The following NRBP2 variants were observed in gnomAD, a reference collection of about 807,000 sequenced individuals.
NRBP2 encodes nuclear receptor-binding protein 2.
In NRBP2, 47 loss-of-function variants were observed where a neutral mutation model predicts 74.4. The observed-to-expected ratio is 0.63, with a 90% CI of 0.50 to 0.81. The LOEUF is 0.81. Among genes scored for constraint, NRBP2 ranks in the 30% least tolerant of loss-of-function variants. NRBP2 has a pLI of 0.00. For missense variants in NRBP2, 613 were observed against 690.1 expected (o/e 0.89, Z 1.25); for synonymous variants, 312 against 273.8 (o/e 1.14, Z -1.38).
intron 10 of NRBP2, 25 bp downstream of exon 10, chr8:143,838,655 G>C: frequency 3.8e-6 from 6 of 1,564,180 alleles, no homozygotes; most frequent in Non-Finnish European, 5.2e-6. Context: ...GAGCCAGCTG[G>C]GGAGGGGCAG....
At position 143,835,607 on chromosome 8, in the gene NRBP2, A is replaced by G. The variant is rs782418608; in HGVS notation, c.*55T>C. The G allele has an allele frequency of 8.2e-6, 12 of 1,455,896 alleles. 1 individual carries two copies. The Admixed American group carries it at 1.3e-4, about 16-fold the overall frequency. 90.2% of individuals were successfully genotyped at this position (1,455,896 alleles called of 1,614,324 possible). A position where few individuals can be genotyped will look rare whatever the true frequency, so the allele number is the denominator to read the frequency against. The stretch of plus-strand genomic sequence containing the variant: ...GCCCCACGGTGCTGGAGTCTCCCCA[A>G]CATGGCCTGCCCAGGCAGCACCCCG... On this transcript the variant is annotated 3_prime_UTR_variant, in exon 18 of 18. Coordinates refer to ENST00000442628, the MANE Select transcript of NRBP2 (RefSeq NM_178564.4). This position sits in a 1 kb window ranked among gnomAD's most constrained non-coding sequence, Gnocchi z 4.9.
chr8:143,839,615 C>G lies in NRBP2; in HGVS notation c.445-66G>C. On this transcript the variant is annotated intron_variant, in intron 4 of 17. Transcript: ENST00000442628. This position sits in a 1 kb window ranked among gnomAD's most constrained non-coding sequence, Gnocchi z 5.1. Reference sequence around the variant, plus strand: ...GGAGAGGCGGCTGGGCCTGCGGAGCCCGCCCCGCATCCTCGCCCAGCCCCT... The same window carrying G: ...GGAGAGGCGGCTGGGCCTGCGGAGCGCGCCCCGCATCCTCGCCCAGCCCCT... 6.6e-7 allele frequency: 1 copy of G among 1,506,856 alleles called. No homozygotes were observed. The allele number at this position is 1,506,856 out of a possible 1,614,324, so 93.3% of individuals were successfully genotyped here.
chr8:143,837,457 G>C lies in NRBP2; in HGVS notation c.1026C>G (p.His342Gln). The C allele has an allele frequency of 6.2e-7, 1 of 1,610,516 alleles. No homozygotes were observed. The highest frequency in any genetic ancestry group is 1.1e-5 in the South Asian group (1 of 90,312). ...VEEKTKAMDL[H>Q]AVLAELPRPR... ...GCCGGGGAAGCTCCGCCAAGACCGC[G>C]TGCAGGTCCATGGCCTTGGTCTTCT... The change falls in exon 12 of 18, where the codon CAC (histidine) becomes CAG (glutamine). Residue 342 changes from histidine (H) to glutamine (Q), a missense_variant. This residue lies in a region of NRBP2 where 281 missense variants were observed against 260.9 expected (regional missense o/e 1.08). Transcript: ENST00000442628. This position sits in a 1 kb window ranked among gnomAD's most constrained non-coding sequence, Gnocchi z 4.3.
rs1554653249 is a variant in NRBP2 at position 143,839,881 on chromosome 8, C to T, written c.354+48G>A. On this transcript the variant is annotated intron_variant, in intron 3 of 17. Coordinates refer to ENST00000442628, the MANE Select transcript of NRBP2 (RefSeq NM_178564.4). The surrounding 1 kb of genome is among the most constrained non-coding windows in gnomAD (Gnocchi z 5.1). ...GCTGCGGGTTCGTCCCCATGCCCGC[C>T]CCACCTAGCTGTGGTCTCTGCCTGC... is the stretch of plus-strand genomic sequence containing the variant. The T allele has an allele frequency of 6.5e-7, 1 of 1,534,670 alleles. No homozygotes were observed. Among genetic ancestry groups the T allele is most frequent in the Non-Finnish European group, 8.7e-7 (1 of 1,145,554 alleles).
rs782702713 is a variant in NRBP2, at chr8:143,839,129, G to A, written c.605-29C>T. ...TGGGAGGGCGCAGAGCTGAGCGGGC[G>A]GGGACCTCTCCAGGACCCCGTCCCC... On this transcript the variant is annotated intron_variant, in intron 7 of 17. Transcript: ENST00000442628. The surrounding 1 kb of genome is among the most constrained non-coding windows in gnomAD (Gnocchi z 5.1). The A allele has an allele frequency of 6.8e-5, 103 of 1,512,028 alleles. 1 individual carries two copies. Among genetic ancestry groups the A allele is most frequent in the Middle Eastern group, 1.7e-4 (1 of 5,906 alleles). 93.7% of individuals were successfully genotyped at this position (1,512,028 alleles called of 1,614,324 possible).
rs1818357553 is a variant in NRBP2, at chr8:143,835,974, CAGGTCGT to C, written c.1367_1373del (p.Tyr456CysfsTer26). The C allele has an allele frequency of 6.3e-7, 1 of 1,592,548 alleles. No homozygotes were observed. The highest frequency in any genetic ancestry group is 1.1e-5 in the South Asian group (1 of 89,370). ...GTCCCCTGCCCAGCCTACTTGGGAG[CAGGTCGT>C]AGGTCAGCTGCCGGTGCAGCCGGTC... On this transcript the variant is annotated frameshift_variant, in exon 16 of 18. Transcript: ENST00000442628. LOFTEE classifies it high-confidence loss of function. The surrounding 1 kb of genome is among the most constrained non-coding windows in gnomAD (Gnocchi z 4.9).
chr8:143,836,657 T>C (rs1443920165), intron 14 of NRBP2, among the ~76,000 whole-genome samples: 2 of 119,240 alleles, frequency 1.7e-5, no homozygotes, highest in South Asian at 3.1e-4. Context: ...CACCAGGACA[T>C]AGATGTCCGG....
chr8:143,837,094 T>G lies in NRBP2; in HGVS notation c.1208A>C (p.Glu403Ala). ...CGTCGGGGTCTTGGCCTTTTGGACC[T>G]CCTCCGGGGGTGGGGCCAGCACACG... ...LPRVLAPPPE[E>A]VQKAKTPTPE... Residue 403 changes from glutamate to alanine, a missense_variant, in exon 14 of 18, where the codon GAG becomes GCG. Coordinates refer to ENST00000442628, the MANE Select transcript of NRBP2 (RefSeq NM_178564.4). This position sits in a 1 kb window ranked among gnomAD's most constrained non-coding sequence, Gnocchi z 4.3. 6.2e-7 allele frequency: 1 copy of G among 1,611,486 alleles called. No homozygotes were observed. The highest frequency in any genetic ancestry group is 8.5e-7 in the Non-Finnish European group (1 of 1,179,128).
chr8:143,838,428 G>A (rs1471316236), intron 10 of NRBP2, among the ~76,000 whole-genome samples: 1 of 152,240 alleles, frequency 6.6e-6, no homozygotes, highest in East Asian at 1.9e-4. Flanking sequence ...TATAAAACGG[G>A]CATGGTGATG....
rs1265324613 is a variant in NRBP2, at chr8:143,834,147, C to T, written c.*1515G>A. On this transcript the variant is annotated 3_prime_UTR_variant, in exon 18 of 18. Coordinates refer to ENST00000442628, the MANE Select transcript of NRBP2 (RefSeq NM_178564.4). ...TGCAGATGTGTTTAATATTAAAAAC[C>T]TTGAGGAGGGAGATTATCATGTATT... is the stretch of plus-strand genomic sequence containing the variant. The T allele has an allele frequency of 1.3e-5, 2 of 152,122 alleles. No homozygotes were observed. The highest frequency in any genetic ancestry group is 4.8e-5 in the African/African-American group (2 of 41,424). 9.4% of individuals were successfully genotyped at this position (152,122 alleles called of 1,614,324 possible).
chr8:143,838,029 C>T (rs1334380536), intron 10 of NRBP2: 3 of 678,080 alleles, frequency 4.4e-6, no homozygotes, highest in Admixed American at 2.1e-5. Context: ...CCTAAAGTCA[C>T]ACCTGCAAGC....
At chr8:143,836,422 CTG>C (rs1818389418) in intron 14 of NRBP2, among the ~76,000 whole-genome samples, 1 of 151,852 alleles carries the variant, frequency 6.6e-6, no homozygotes, top group South Asian at 2.1e-4. Flanking sequence ...AAAGAGGGAA[CTG>C]TGGGCGTGGG....
At chr8:143,833,221 T>G (rs1818222927), downstream of NRBP2, 1 of 152,228 alleles carries the variant, frequency 6.6e-6, no homozygotes, top group Non-Finnish European at 1.5e-5. Flanking sequence ...TGCTCATGCT[T>G]CTTCAGGAAA....
chr8:143,839,448 A>C lies in NRBP2; in HGVS notation c.486-40T>G. 1 of 1,535,712 alleles carries C rather than the reference A, an allele frequency of 6.5e-7. No homozygotes were observed. The highest frequency in any genetic ancestry group is 1.2e-5 in the South Asian group (1 of 84,282). Reference sequence around the variant, plus strand: ...GAGGGGAGAGTAGGAGGAGCCGGTCAGGAGGCTCTGGAGAGATGGGGGCTC... The same window carrying C: ...GAGGGGAGAGTAGGAGGAGCCGGTCCGGAGGCTCTGGAGAGATGGGGGCTC... On this transcript the variant is annotated intron_variant, in intron 5 of 17. Coordinates refer to ENST00000442628, the MANE Select transcript of NRBP2 (RefSeq NM_178564.4). This position sits in a 1 kb window ranked among gnomAD's most constrained non-coding sequence, Gnocchi z 5.1.
In NRBP2 at chr8:143,839,609, C is replaced by A; in HGVS notation, c.445-60G>T. ...GGCGCAGGAGAGGCGGCTGGGCCTG[C>A]GGAGCCCGCCCCGCATCCTCGCCCA... On this transcript the variant is annotated intron_variant, in intron 4 of 17. Transcript: ENST00000442628. This position sits in a 1 kb window ranked among gnomAD's most constrained non-coding sequence, Gnocchi z 5.1. 2 of 1,508,380 alleles carry A rather than the reference C, an allele frequency of 1.3e-6. No homozygotes were observed. Among genetic ancestry groups the A allele is most frequent in the Non-Finnish European group, 1.8e-6 (2 of 1,134,242 alleles). The allele number at this position is 1,508,380 out of a possible 1,614,324, so 93.4% of individuals were successfully genotyped here.
chr8:143,830,256 A>G (rs1586638816), downstream of NRBP2, among the ~76,000 whole-genome samples: 2 of 152,276 alleles, frequency 1.3e-5, no homozygotes, highest in Admixed American at 1.3e-4. Context: ...AGAGCTTAAG[A>G]AAGGTGGACA....
chr8:143,831,452 C>G (rs560871450), downstream of NRBP2, among the ~76,000 whole-genome samples: 1 of 152,262 alleles, frequency 6.6e-6, no homozygotes, highest in South Asian at 2.1e-4. Flanking sequence ...CACGTCTCTA[C>G]AAAAAGTAAT....
chr8:143,839,320 C>G lies in NRBP2; in HGVS notation c.574G>C (p.Gly192Arg), dbSNP rs573101800. The change falls in exon 6 of 18, where the codon GGC becomes CGC. Residue 192 changes from glycine (G) to arginine (R), a missense_variant. Coordinates refer to ENST00000442628, the MANE Select transcript of NRBP2 (RefSeq NM_178564.4). The surrounding 1 kb of genome is among the most constrained non-coding windows in gnomAD (Gnocchi z 5.1). ...AGCCCTGCCCCGCCAGCACCGGAGC[C>G]GATCTTGATGAGGCCGTTGTGCTGA... ...FIQHNGLIKIGSVWHRIFSNA... is the reference protein window; with the variant it reads ...FIQHNGLIKIRSVWHRIFSNA... 6.4e-7 allele frequency: 1 copy of G among 1,572,790 alleles called. No homozygotes were observed. Among genetic ancestry groups the G allele is most frequent in the African/African-American group, 1.3e-5 (1 of 74,190 alleles).
Position 143,834,567 on chromosome 8 carries a change from C to T in NRBP2, c.*1095G>A, listed in dbSNP as rs1554650999. On this transcript the variant is annotated 3_prime_UTR_variant, in exon 18 of 18. Coordinates refer to ENST00000442628, the MANE Select transcript of NRBP2 (RefSeq NM_178564.4). ...GTCACTAAGTTTGTGGTAAATTTTACAGCGGCAGTATAAAACTAATACAGT... is the reference window on the plus strand; with the variant it reads ...GTCACTAAGTTTGTGGTAAATTTTATAGCGGCAGTATAAAACTAATACAGT... The T allele has an allele frequency of 6.6e-6, 1 of 152,268 alleles. No individual in the cohort carries two copies. Among genetic ancestry groups the T allele is most frequent in the Non-Finnish European group, 1.5e-5 (1 of 68,052 alleles). The allele number at this position is 152,268 out of a possible 1,614,324, so 9.4% of individuals were successfully genotyped here.
Sources: allele counts gnomAD v4.1 joint callset (sites outside exome capture counted in the v4.1 genomes callset), GRCh38; gene constraint gnomAD v4.1.1; regional missense constraint gnomAD v4.1.1; non-coding constraint Gnocchi (gnomAD v3.1); transcripts MANE v1.5; gene names NCBI Gene and HGNC (gene_info 2026-07-23, HGNC 2026-07-21).